Variants in XDH observed in about 807,000 individuals in gnomAD.
XDH encodes the protein xanthine dehydrogenase/oxidase.
A neutral mutation model predicts 156.1 loss-of-function variants in XDH; 138 were observed. That is an observed-to-expected ratio of 0.88 (90% CI 0.77 to 1.02). XDH has a LOEUF of 1.02. Ranked by LOEUF, XDH falls within the 50% of genes least tolerant of loss-of-function variation. The pLI, the probability that XDH is intolerant of heterozygous loss-of-function variation, is 0.00. For missense variants in XDH, 1,849 were observed against 1,684.9 expected (o/e 1.10, Z -1.71); for synonymous variants, 669 against 625.7 (o/e 1.07, Z -1.03).
chr2:31,350,067 C>T lies in XDH; in HGVS notation c.2788G>A (p.Glu930Lys). ...GMLIAECWMS[E>K]VAVTCGMPAE... ...GGCATCCCACAGGTCACTGCAACTT[C>T]ACTCATCCAGCACTCGGCAATGAGC... Residue 930 changes from glutamate (E) to lysine (K), a missense_variant, in exon 25 of 36, where the codon GAA (glutamate) becomes AAA (lysine). Transcript: ENST00000379416. 1.9e-6 allele frequency: 3 copies of T among 1,614,248 alleles called. No homozygotes were observed. Among genetic ancestry groups the T allele is most frequent in the Non-Finnish European group, 2.5e-6 (3 of 1,180,052 alleles).
At chr2:31,393,878 A>G (rs1244724508) in intron 6 of XDH, among the ~76,000 whole-genome samples, 1 of 150,440 alleles carries the variant, frequency 6.6e-6, no homozygotes, top group African/African-American at 2.4e-5. Context: ...TTTAAATAAC[A>G]CTACACCGCT....
chr2:31,380,662 A>C (rs1686413108), intron 12 of XDH, among the ~76,000 whole-genome samples: 1 of 152,172 alleles, frequency 6.6e-6, no homozygotes, highest in Non-Finnish European at 1.5e-5. Context: ...GGAAGATTGG[A>C]CCTGGTTCCT....
Position 31,346,015 on chromosome 2 carries a change from G to T in XDH, c.3351+754C>A, listed in dbSNP as rs1332395463. Reference sequence around the variant, plus strand: ...TAAGATGAGTGGGTCTGAGAAAAATGGCATGTTTTCTTTAAATCTATTGAG... The same window carrying T: ...TAAGATGAGTGGGTCTGAGAAAAATTGCATGTTTTCTTTAAATCTATTGAG... On this transcript the variant is annotated intron_variant, in intron 30 of 35. Coordinates refer to ENST00000379416, the MANE Select transcript of XDH (RefSeq NM_000379.4). Among the ~76,000 whole-genome samples, 3 of 152,206 alleles carry T rather than the reference G, an allele frequency of 2.0e-5. No homozygotes were observed. In the East Asian group the frequency reaches 5.8e-4, roughly 29 times the overall value.
intron 6 of XDH, among the ~76,000 whole-genome samples, chr2:31,393,410 T>G (rs1686826019): frequency 6.6e-6 from 1 of 152,224 alleles, no homozygotes; most frequent in African/African-American, 2.4e-5. Context: ...AACTGTTTGC[T>G]CTGTCCAAAA....
intron 13 of XDH, 71 bp from the exon 14 acceptor site, chr2:31,377,308 A>C: frequency 2.5e-6 from 4 of 1,571,304 alleles, no homozygotes; most frequent in Non-Finnish European, 3.5e-6. Flanking sequence ...GACCCAAACC[A>C]CAGGGCTATG....
chr2:31,365,358 C>T, intron 23 of XDH, 99 bp downstream of exon 23: 1 of 1,301,596 alleles, frequency 7.7e-7, no homozygotes, highest in South Asian at 1.2e-5. Context: ...TACAGATAGG[C>T]AAAAAGTAGG....
At chr2:31,376,961 A>G (rs999582083) in intron 14 of XDH, 92 bp downstream of exon 14, 1 of 1,508,936 alleles carries the variant, frequency 6.6e-7, no homozygotes, top group Non-Finnish European at 9.2e-7. Context: ...CAATAGTAAT[A>G]CTACTGGTAG....
intron 31 of XDH, among the ~76,000 whole-genome samples, chr2:31,343,163 C>T (rs897504046): frequency 5.9e-5 from 9 of 151,494 alleles, no homozygotes; most frequent in Admixed American, 2.0e-4. Context: ...CTGCTTTGAC[C>T]TTTATAAAAC....
At position 31,373,882 on chromosome 2, in the gene XDH, C is replaced by A. The variant is rs183162063; in HGVS notation, c.1677G>T (p.Gln559His). The A allele has an allele frequency of 8.7e-6, 14 of 1,613,802 alleles. No homozygotes were observed. The East Asian group carries it at 2.7e-4, about 31-fold the overall frequency. The change falls in exon 16 of 36, where the codon CAG becomes CAT. Residue 559 changes from glutamine (Q) to histidine (H), a missense_variant. Gln to His is a conservative substitution (Grantham distance 24). Coordinates refer to ENST00000379416, the MANE Select transcript of XDH (RefSeq NM_000379.4). ...CACTGACCGTACTCACTTGGAAGAG[C>A]TGGACATCGGCTGGGGGGTCTTTCT... ...LFQKDPPADV[Q>H]LFQEVPKGQS...
At chr2:31,386,164 T>G (rs1686586890) in intron 9 of XDH, among the ~76,000 whole-genome samples, 1 of 152,122 alleles carries the variant, frequency 6.6e-6, no homozygotes. Context: ...TGAGGGTAGA[T>G]GAGGACAAGC....
At chr2:31,336,091 A>T (rs1338440534) in intron 35 of XDH, 83 bp from the exon 36 acceptor site, 5 of 1,424,414 alleles carry the variant, frequency 3.5e-6, no homozygotes, top group African/African-American at 2.8e-5. Context: ...ACCTCCCACC[A>T]CTGCCAACCA....
chr2:31,367,976 C>G lies in XDH; in HGVS notation c.2182G>C (p.Asp728His). 6.2e-7 allele frequency: 1 copy of G among 1,614,178 alleles called. No homozygotes were observed. Among genetic ancestry groups the G allele is most frequent in the Non-Finnish European group, 8.5e-7 (1 of 1,180,006 alleles). Reference sequence around the variant, plus strand: ...ACAGCTCTACCTGACACAACATTATCTGCTTCGGAAAACCCCTTCTTTAGG... The same window carrying G: ...ACAGCTCTACCTGACACAACATTATGTGCTTCGGAAAACCCCTTCTTTAGG... ...GDLKKGFSEA[D>H]NVVSGEIYIG... Residue 728 changes from aspartate to histidine, a missense_variant, in exon 20 of 36, where the codon GAT (aspartate) becomes CAT (histidine). Transcript: ENST00000379416.
In XDH at chr2:31,375,557, G is replaced by A; in HGVS notation, c.1428-3C>T. 4 of 1,613,018 alleles carry A rather than the reference G, an allele frequency of 2.5e-6. No individual in the cohort carries two copies. Among genetic ancestry groups the A allele is most frequent in the Non-Finnish European group, 2.5e-6 (3 of 1,179,950 alleles). Reference sequence around the variant, plus strand: ...GCAGCAGCTCCTCCTTCCAGAGCCTGCCAGAGAGCAGGGCGTGGGACAGCG... The same window carrying A: ...GCAGCAGCTCCTCCTTCCAGAGCCTACCAGAGAGCAGGGCGTGGGACAGCG... On this transcript the variant is annotated splice_polypyrimidine_tract_variant and splice_region_variant and intron_variant, in intron 14 of 35. Transcript: ENST00000379416.
chr2:31,339,822 C>T, intron 33 of XDH, 145 bp from the exon 34 acceptor site: 1 of 1,090,246 alleles, frequency 9.2e-7, no homozygotes. Context: ...CTGGCTCCCG[C>T]CTCAGCCCTG....
intron 16 of XDH, among the ~76,000 whole-genome samples, chr2:31,373,120 T>C (rs1161203781): frequency 6.6e-6 from 1 of 152,218 alleles, no homozygotes; most frequent in Non-Finnish European, 1.5e-5. Context: ...ATGAAACAGG[T>C]ATGTGATTAT....
chr2:31,345,952 T>C (rs1479133346), intron 30 of XDH, among the ~76,000 whole-genome samples: 11 of 152,206 alleles, frequency 7.2e-5, no homozygotes. Context: ...TCATGTGCTA[T>C]TGGTACACGT....
chr2:31,351,360 T>A (rs150630495), intron 24 of XDH, among the ~76,000 whole-genome samples: 85 of 152,330 alleles, frequency 5.6e-4, no homozygotes, highest in South Asian at 2.3e-3. Flanking sequence ...ATTCTAAAAA[T>A]CTGCTCCTAA....
rs767207012 is a variant in XDH, at chr2:31,366,995, C to T, written c.2198-1G>A. 2 of 1,614,154 alleles carry T rather than the reference C, an allele frequency of 1.2e-6. No individual in the cohort carries two copies. The highest frequency in any genetic ancestry group is 1.7e-6 in the Non-Finnish European group (2 of 1,179,980). The stretch of plus-strand genomic sequence containing the variant: ...TCTTGGCCACCGATGTATATCTCCC[C>T]TGGGGAAGCAGTGAGATCCCTCACA... On this transcript the variant is annotated splice_acceptor_variant, in intron 20 of 35. Transcript: ENST00000379416. LOFTEE classifies it high-confidence loss of function.
intron 21 of XDH, 85 bp from the exon 22 acceptor site, chr2:31,366,194 G>A: frequency 4.4e-6 from 7 of 1,607,184 alleles, no homozygotes; most frequent in Non-Finnish European, 6.0e-6. Context: ...CAACATGCAT[G>A]GACCTAATTA....
Sources: gnomAD v4.1 joint callset for allele counts (sites outside exome capture counted in the v4.1 genomes callset) on GRCh38, gnomAD v4.1.1 for gene constraint, MANE v1.5 for transcripts, NCBI Gene and HGNC (gene_info 2026-07-23, HGNC 2026-07-21) for gene names.